GNAO1: variants seen among roughly 807,000 people sequenced by gnomAD.
GNAO1 encodes the protein G protein subunit alpha o1.
For missense variants in GNAO1, 166 were observed against 478.7 expected (o/e 0.35, Z 6.10); for synonymous variants, 164 against 180.7 (o/e 0.91, Z 0.74).
intron 2 of GNAO1, among the ~76,000 whole-genome samples, chr16:56,207,402 G>A (rs1345438453): frequency 6.6e-6 from 1 of 152,218 alleles, no homozygotes; most frequent in African/African-American, 2.4e-5. Context: ...CTAAATGGTA[G>A]CTATTTGTAT....
At chr16:56,304,010 C>A (rs1361656298) in intron 3 of GNAO1, among the ~76,000 whole-genome samples, 1 of 152,218 alleles carries the variant, frequency 6.6e-6, no homozygotes, top group Non-Finnish European at 1.5e-5. Flanking sequence ...TCTTTCCCTA[C>A]CAAGCCCTAC....
At position 56,291,582 on chromosome 16, in the gene GNAO1, A is replaced by C. The variant is rs1451758710; in HGVS notation, c.303+15510A>C. On this transcript the variant is annotated intron_variant, in intron 3 of 8. Transcript: ENST00000262493. ...CGAATTTTGTGATGGTGCCCTTTGA[A>C]GTCTCACCTCATTCTGCCCTTGCCT... is the stretch of plus-strand genomic sequence containing the variant. Among the ~76,000 whole-genome samples the C allele has an allele frequency of 5.3e-5, 8 of 152,054 alleles. No homozygotes were observed. The East Asian group carries it at 1.3e-3, about 26-fold the overall frequency.
chr16:56,344,814 T>G (rs950281094), intron 6 of GNAO1: 1 of 985,470 alleles, frequency 1.0e-6, no homozygotes. Context: ...ATGTTTTTCC[T>G]TCAGTCCACA....
chr16:56,246,758 C>T (rs1187628057), intron 2 of GNAO1, among the ~76,000 whole-genome samples: 1 of 152,186 alleles, frequency 6.6e-6, no homozygotes, highest in Non-Finnish European at 1.5e-5. Flanking sequence ...TCACTTCCCT[C>T]CTCCTGTCCC....
At chr16:56,289,937 C>A (rs550742176) in intron 3 of GNAO1, among the ~76,000 whole-genome samples, 1 of 152,326 alleles carries the variant, frequency 6.6e-6, no homozygotes, top group Non-Finnish European at 1.5e-5. Context: ...AATCTGTGCT[C>A]CACACAACAG....
At chr16:56,260,280 CT>C (rs1160312066) in intron 2 of GNAO1, among the ~76,000 whole-genome samples, 1 of 152,108 alleles carries the variant, frequency 6.6e-6, no homozygotes, top group Admixed American at 6.5e-5. Context: ...GGCCTTTTTT[CT>C]TTTTGTCTCT....
chr16:56,270,233 T>C (rs2037003648), intron 2 of GNAO1: 1 of 152,296 alleles, frequency 6.6e-6, no homozygotes, highest in Non-Finnish European at 1.5e-5. Flanking sequence ...CTGTCCAAAG[T>C]CAAACACTCC....
intron 2 of GNAO1, among the ~76,000 whole-genome samples, chr16:56,238,033 CGA>C (rs2036656431): frequency 6.6e-6 from 1 of 152,144 alleles, no homozygotes; most frequent in Non-Finnish European, 1.5e-5. Context: ...TCTGAGAAAG[CGA>C]GAGTGAAAGG....
chr16:56,342,898 A>C (rs549934521), intron 6 of GNAO1, among the ~76,000 whole-genome samples: 1 of 152,218 alleles, frequency 6.6e-6, no homozygotes, highest in Admixed American at 6.5e-5. Flanking sequence ...GGGTCGCCTG[A>C]GGTCAGGAGT....
At chr16:56,216,574 T>A (rs2036438521) in intron 2 of GNAO1, among the ~76,000 whole-genome samples, 3 of 152,248 alleles carry the variant, frequency 2.0e-5, no homozygotes, top group Non-Finnish European at 4.4e-5. Flanking sequence ...TCAAGTCTTG[T>A]CTCTGCCACC....
chr16:56,351,843 T>C lies in GNAO1; in HGVS notation c.877+306T>C. The C allele has an allele frequency of 3.0e-6, 1 of 331,826 alleles. No individual in the cohort carries two copies. The highest frequency in any genetic ancestry group is 5.6e-6 in the Non-Finnish European group (1 of 178,148). 20.6% of individuals were successfully genotyped at this position (331,826 alleles called of 1,614,324 possible). A position where few individuals can be genotyped will look rare whatever the true frequency, so the allele number is the denominator to read the frequency against. ...GCTTCCCCCTTCCTCCTGGTCACCC[T>C]CTAGAAGAGGTCTCAGGACAGCCTC... On this transcript the variant is annotated intron_variant, in intron 7 of 8. Coordinates refer to ENST00000262493, the MANE Select transcript of GNAO1 (RefSeq NM_020988.3). The surrounding 1 kb of genome is among the most constrained non-coding windows in gnomAD (Gnocchi z 6.1).
Position 56,355,125 on chromosome 16 carries a change from T to TACACACACACACACACAC in GNAO1, c.*28+57_*28+74dup, listed in dbSNP as rs59437828. On this transcript the variant is annotated intron_variant, in intron 8 of 8. Transcript: ENST00000262493. The stretch of plus-strand genomic sequence containing the variant: ...ACAGAACAGCTTGCGTGCGCGCGCA[T>TACACACACACACACACAC]ACACACACACACACACACACACACA... 1.0e-3 allele frequency: 568 copies of TACACACACACACACACAC among 556,318 alleles called. 11 individuals are homozygous for TACACACACACACACACAC. Among genetic ancestry groups the TACACACACACACACACAC allele is most frequent in the South Asian group, 9.6e-3 (353 of 36,650 alleles). 34.5% of individuals were successfully genotyped at this position (556,318 alleles called of 1,614,324 possible).
chr16:56,310,702 A>AG (rs1284734937), intron 3 of GNAO1, among the ~76,000 whole-genome samples: 2 of 152,220 alleles, frequency 1.3e-5, no homozygotes, highest in African/African-American at 4.8e-5. Flanking sequence ...CAGGAGAAGA[A>AG]GGACAATGGC....
rs117439400 is a variant in GNAO1 at position 56,197,774 on chromosome 16, A to G, written c.161+5158A>G. Among the ~76,000 whole-genome samples, 391 of 152,328 alleles carry G rather than the reference A, an allele frequency of 2.6e-3. 1 individual carries two copies. Among genetic ancestry groups the G allele is most frequent in the South Asian group, 0.013 (63 of 4,830 alleles). On this transcript the variant is annotated intron_variant, in intron 2 of 8. Coordinates refer to ENST00000262493, the MANE Select transcript of GNAO1 (RefSeq NM_020988.3). ...CGCAGATTATTTTGTGCTTCTTCAC[A>G]TGCCACATCTGCTAAAGATAGGACA... is the stretch of plus-strand genomic sequence containing the variant.
At chr16:56,197,179 G>A (rs1223714239) in intron 2 of GNAO1, among the ~76,000 whole-genome samples, 5 of 152,202 alleles carry the variant, frequency 3.3e-5, no homozygotes, top group East Asian at 1.9e-4. Context: ...ATGAAAGTGC[G>A]TCCGTCTAAA....
intron 3 of GNAO1, among the ~76,000 whole-genome samples, chr16:56,288,916 G>A (rs1307998071): frequency 2.0e-5 from 3 of 151,966 alleles, no homozygotes; most frequent in Non-Finnish European, 4.4e-5. Context: ...GAACGACACC[G>A]AAGATCGCCC....
At chr16:56,328,124 G>A (rs2037654039) in intron 3 of GNAO1, among the ~76,000 whole-genome samples, 1 of 152,306 alleles carries the variant, frequency 6.6e-6, no homozygotes, top group South Asian at 2.1e-4. Flanking sequence ...CGAAACGTCT[G>A]CTCCTCTACA....
At chr16:56,211,057 C>T (rs763256323) in intron 2 of GNAO1, among the ~76,000 whole-genome samples, 31 of 152,272 alleles carry the variant, frequency 2.0e-4, no homozygotes, top group Non-Finnish European at 2.9e-4. Context: ...GTTCCTATGG[C>T]TAGCTAGTAG....
intron 2 of GNAO1, among the ~76,000 whole-genome samples, chr16:56,217,020 C>T (rs1226485154): frequency 2.6e-5 from 4 of 152,244 alleles, no homozygotes; most frequent in African/African-American, 4.8e-5. Flanking sequence ...GCAAGGGTCT[C>T]TGCTGAGCCT....
Sources: gnomAD v4.1 joint callset for allele counts (sites outside exome capture counted in the v4.1 genomes callset) on GRCh38, gnomAD v4.1.1 for gene constraint, Gnocchi (gnomAD v3.1) non-coding constraint, MANE v1.5 for transcripts, NCBI Gene and HGNC (gene_info 2026-07-23, HGNC 2026-07-21) for gene names.